Variants in SORCS1 observed in about 807,000 individuals in gnomAD.
The protein encoded by SORCS1 is VPS10 domain-containing receptor SorCS1.
SORCS1 carries 60 observed loss-of-function variants against 146.1 expected under a neutral mutation model. The observed-to-expected ratio is 0.41, with a 90% CI of 0.33 to 0.51. SORCS1 has a LOEUF of 0.51. SORCS1 is among the 20% of genes least tolerant of loss of function. SORCS1 has a pLI of 0.21. For synonymous variants in SORCS1, 637 were observed against 584.0 expected, an observed-to-expected ratio of 1.09 and a Z score of -1.31; for missense variants, 1,352 against 1,487.6, an observed-to-expected ratio of 0.91 and a Z score of 1.50.
intron 1 of SORCS1, among the ~76,000 whole-genome samples, chr10:107,009,197 T>C (rs1006378493): frequency 2.6e-5 from 4 of 152,182 alleles, no homozygotes; most frequent in Non-Finnish European, 4.4e-5. Flanking sequence ...CATCTGCATA[T>C]AGACGTTGAA....
chr10:106,679,207 T>C, intron 12 of SORCS1, 49 bp downstream of exon 12: 1 of 1,511,008 alleles, frequency 6.6e-7, no homozygotes, highest in Non-Finnish European at 9.1e-7. Flanking sequence ...AGCTGGGCAA[T>C]TTTTATGTTA....
the SORCS1 span, among the ~76,000 whole-genome samples, chr10:107,170,793 G>T: frequency 1.3e-5 from 2 of 152,308 alleles, no homozygotes; most frequent in East Asian, 1.9e-4. Context: ...CTAAGCTCTG[G>T]TAGTGGCACA....
intron 2 of SORCS1, among the ~76,000 whole-genome samples, chr10:106,950,981 T>A (rs1954647119): frequency 6.6e-6 from 1 of 152,100 alleles, no homozygotes; most frequent in Non-Finnish European, 1.5e-5. Context: ...CAAAGATGAG[T>A]TACGAAGAGA....
chr10:107,053,321 T>C (rs938459764), intron 1 of SORCS1, among the ~76,000 whole-genome samples: 5 of 152,154 alleles, frequency 3.3e-5, no homozygotes, highest in Admixed American at 3.3e-4. Context: ...TATATTGAAA[T>C]AAGAACAGCT....
chr10:107,036,429 G>T (rs192154592), intron 1 of SORCS1, among the ~76,000 whole-genome samples: 1 of 152,262 alleles, frequency 6.6e-6, no homozygotes, highest in African/African-American at 2.4e-5. Flanking sequence ...TCGTGAGATA[G>T]AAATGAGGAG....
intron 13 of SORCS1, among the ~76,000 whole-genome samples, chr10:106,676,731 T>C (rs557522085): frequency 2.5e-4 from 38 of 152,320 alleles, no homozygotes; most frequent in African/African-American, 7.2e-4. Flanking sequence ...ATAGAACTGA[T>C]GTTTATGGTT....
intron 3 of SORCS1, among the ~76,000 whole-genome samples, chr10:106,825,269 CTTTTTTTTT>C (rs35830829): frequency 7.6e-5 from 9 of 119,190 alleles, no homozygotes; most frequent in South Asian, 2.8e-4. Flanking sequence ...GAGATTTCAA[CTTTTTTTTT>C]TTTTTTTTTT....
At chr10:107,015,733 G>C (rs1438567476) in intron 1 of SORCS1, among the ~76,000 whole-genome samples, 2 of 152,184 alleles carry the variant, frequency 1.3e-5, no homozygotes, top group East Asian at 1.9e-4. Flanking sequence ...TTATCTCCTT[G>C]AGAACATTTG....
intron 3 of SORCS1, among the ~76,000 whole-genome samples, chr10:106,795,619 A>G (rs899798778): frequency 6.6e-6 from 1 of 152,224 alleles, no homozygotes; most frequent in South Asian, 2.1e-4. Context: ...GATCAAATCC[A>G]TAACATTCTG....
chr10:107,064,427 A>G (rs1052697416), intron 1 of SORCS1, among the ~76,000 whole-genome samples: 5 of 152,180 alleles, frequency 3.3e-5, no homozygotes, highest in Non-Finnish European at 7.4e-5. Flanking sequence ...AATCCACTCT[A>G]GCTCACAGTT....
chr10:107,134,030 T>G (rs1967067223), intron 1 of SORCS1, among the ~76,000 whole-genome samples: 1 of 152,210 alleles, frequency 6.6e-6, no homozygotes, highest in South Asian at 2.1e-4. Flanking sequence ...CCCTATGCAC[T>G]GCTACTGTTG....
intron 5 of SORCS1, among the ~76,000 whole-genome samples, chr10:106,730,670 G>T (rs1856530995): frequency 6.6e-6 from 1 of 152,122 alleles, no homozygotes; most frequent in Non-Finnish European, 1.5e-5. Context: ...TCTGATACGT[G>T]CCTGAAACCA....
intron 9 of SORCS1, among the ~76,000 whole-genome samples, chr10:106,697,452 T>C (rs910055489): frequency 3.5e-4 from 17 of 48,998 alleles, no homozygotes; most frequent in Admixed American, 4.8e-4. Flanking sequence ...TGAGACTCCA[T>C]CTCAAAATAA....
chr10:106,781,339 G>A (rs1860881621), intron 3 of SORCS1, among the ~76,000 whole-genome samples: 1 of 152,052 alleles, frequency 6.6e-6, no homozygotes, highest in African/African-American at 2.4e-5. Context: ...TTTATATGTT[G>A]TTCATTATTT....
At chr10:106,795,830 A>G (rs1217116517) in intron 3 of SORCS1, among the ~76,000 whole-genome samples, 1 of 152,192 alleles carries the variant, frequency 6.6e-6, no homozygotes, top group Non-Finnish European at 1.5e-5. Flanking sequence ...CCGTGGAATG[A>G]GATACGGGGT....
intron 1 of SORCS1, among the ~76,000 whole-genome samples, chr10:107,097,941 GA>G (rs970294998): frequency 1.3e-5 from 2 of 151,954 alleles, no homozygotes; most frequent in African/African-American, 4.8e-5. Context: ...TGTAATACAG[GA>G]AAAAAATGCC....
chr10:106,774,803 GA>G (rs2136356520), intron 4 of SORCS1, among the ~76,000 whole-genome samples: 1 of 152,264 alleles, frequency 6.6e-6, no homozygotes, highest in African/African-American at 2.4e-5. Context: ...TCTATCTCCA[GA>G]TGGATAGAAT....
intron 2 of SORCS1, among the ~76,000 whole-genome samples, chr10:106,886,432 AT>A (rs58572935): frequency 0.042 from 6,395 of 152,142 alleles, 349 homozygotes; most frequent in African/African-American, 0.12. Context: ...ATTCTTAGTA[AT>A]TCTTAGAATC....
chr10:106,748,418 C>T (rs1178961027), intron 5 of SORCS1, among the ~76,000 whole-genome samples: 3 of 152,070 alleles, frequency 2.0e-5, no homozygotes, highest in Non-Finnish European at 4.4e-5. Context: ...TTAATTGATG[C>T]AAACTTAATT....
Sources: gnomAD v4.1 joint callset for allele counts (sites outside exome capture counted in the v4.1 genomes callset) on GRCh38, gnomAD v4.1.1 for gene constraint, MANE v1.5 for transcripts, NCBI Gene and HGNC (gene_info 2026-07-23, HGNC 2026-07-21) for gene names.